The following POLR3E variants were observed in gnomAD, a reference collection of about 807,000 sequenced individuals.
POLR3E encodes DNA-directed RNA polymerase III subunit RPC5.
A neutral mutation model predicts 96.6 loss-of-function variants in POLR3E; 41 were observed. The ratio of observed to expected loss-of-function variants is 0.42; its 90% confidence interval spans 0.33 to 0.55. POLR3E has a LOEUF of 0.55. Ranked by LOEUF, POLR3E falls within the 20% of genes least tolerant of loss-of-function variation. The pLI is 0.06. For synonymous variants in POLR3E, 396 were observed against 383.6 expected (o/e 1.03, Z -0.38); for missense variants, 849 against 952.1 (o/e 0.89, Z 1.43).
Position 22,313,860 on chromosome 16 carries a change from A to C in POLR3E, c.472+133A>C. The C allele has an allele frequency of 1.4e-6, 1 of 704,602 alleles. No homozygotes were observed. The highest frequency in any genetic ancestry group is 2.5e-6 in the Non-Finnish European group (1 of 407,498). 43.6% of individuals were successfully genotyped at this position (704,602 alleles called of 1,614,324 possible). ...CCTCTACCTACTAGATGCCAGAAGC[A>C]CCCACCCCACAGTCGTGACAATCAA... On this transcript the variant is annotated intron_variant, in intron 7 of 20. Transcript: ENST00000299853. This position sits in a 1 kb window ranked among gnomAD's most constrained non-coding sequence, Gnocchi z 4.1.
Position 22,313,782 on chromosome 16 carries a change from G to A in POLR3E, c.472+55G>A, listed in dbSNP as rs954524767. 9 of 1,246,238 alleles carry A rather than the reference G, an allele frequency of 7.2e-6. No individual in the cohort carries two copies. The highest frequency in any genetic ancestry group is 1.1e-5 in the Non-Finnish European group (9 of 855,180). The allele number at this position is 1,246,238 out of a possible 1,614,324, so 77.2% of individuals were successfully genotyped here. On this transcript the variant is annotated intron_variant, in intron 7 of 20. Transcript: ENST00000299853. This position sits in a 1 kb window ranked among gnomAD's most constrained non-coding sequence, Gnocchi z 4.1. Reference sequence around the variant, plus strand: ...TGCCTGCCTTCATCCTGGTGGGATGGCTTGGTCCTGGGAAGAGGGATGGGA... The same window carrying A: ...TGCCTGCCTTCATCCTGGTGGGATGACTTGGTCCTGGGAAGAGGGATGGGA...
At chr16:22,314,476 G>A (rs1050017668) in intron 8 of POLR3E, among the ~76,000 whole-genome samples, 2 of 152,156 alleles carry the variant, frequency 1.3e-5, no homozygotes, top group African/African-American at 4.8e-5. Flanking sequence ...TATGGGGCAC[G>A]GATGAATAGT....
intron 3 of POLR3E, among the ~76,000 whole-genome samples, chr16:22,306,510 C>A (rs1392309531): frequency 2.0e-5 from 3 of 152,228 alleles, no homozygotes; most frequent in Non-Finnish European, 4.4e-5. Flanking sequence ...GCCTCGGCCT[C>A]CCATAGTGCT....
chr16:22,325,859 A>G lies in POLR3E; in HGVS notation c.1447A>G (p.Lys483Glu), dbSNP rs369986679. The change falls in exon 18 of 21, where the codon AAG becomes GAG. Residue 483 changes from lysine to glutamate, a missense_variant. By Grantham distance (56) the Lys-to-Glu change is moderately conservative. Transcript: ENST00000299853. ...GCTGGAGCGGGAGCTGCAGCGGCGG[A>G]AGGAGCAGCTGCGGGTGCCTGCGGT... The part of the protein sequence containing the change: ...ALLERELQRR[K>E]EQLRVPAVPP... 1.5e-5 allele frequency: 24 copies of G among 1,611,966 alleles called. No individual in the cohort carries two copies. Among genetic ancestry groups the G allele is most frequent in the Non-Finnish European group, 2.0e-5 (24 of 1,179,462 alleles).
intron 1 of POLR3E, chr16:22,299,033 C>G: frequency 2.2e-6 from 1 of 455,972 alleles, no homozygotes; most frequent in Non-Finnish European, 4.4e-6. Context: ...AGCAAATAGA[C>G]CAGGTAGTTC....
chr16:22,300,552 A>C (rs982769394), intron 1 of POLR3E, among the ~76,000 whole-genome samples: 2 of 152,218 alleles, frequency 1.3e-5, no homozygotes, highest in Non-Finnish European at 2.9e-5. Context: ...TCAGTTGTCC[A>C]CTGCCCAGCT....
chr16:22,333,452 CAA>C (rs1187205264), intron 20 of POLR3E, among the ~76,000 whole-genome samples, 190 bp from the exon 21 acceptor site: 6 of 102,864 alleles, frequency 5.8e-5, no homozygotes, highest in Admixed American at 1.0e-4. Flanking sequence ...AACTCTGTTT[CAA>C]AAAAAAAAAA....
chr16:22,308,578 C>T (rs994502387), intron 4 of POLR3E: 7 of 438,818 alleles, frequency 1.6e-5, no homozygotes, highest in Non-Finnish European at 2.9e-5. Context: ...CATGGAAGTG[C>T]CATCCCAGTA....
intron 19 of POLR3E, 152 bp downstream of exon 19, chr16:22,328,739 G>A (rs940365691): frequency 1.1e-5 from 7 of 661,318 alleles, no homozygotes; most frequent in East Asian, 5.5e-5. Context: ...AACTCTGTAC[G>A]CTAACAAAAT....
In POLR3E at chr16:22,322,121, C is replaced by T. The variant is rs1009591472; in HGVS notation, c.987-729C>T. On this transcript the variant is annotated intron_variant, in intron 13 of 20. Transcript: ENST00000299853. The surrounding 1 kb of genome is among the most constrained non-coding windows in gnomAD (Gnocchi z 5.2). ...TGAGCCACATCGGCAGAGTCCGTGT[C>T]CCCACAGAGCGTGGCCTTGCAGGAT... Among the ~76,000 whole-genome samples the T allele has an allele frequency of 2.0e-5, 3 of 152,212 alleles. No individual in the cohort carries two copies. The East Asian group carries it at 5.8e-4, about 29-fold the overall frequency.
chr16:22,310,622 TAAA>T (rs60232148), intron 6 of POLR3E, among the ~76,000 whole-genome samples: 1 of 137,636 alleles, frequency 7.3e-6, no homozygotes, highest in African/African-American at 2.7e-5. Context: ...TTAAAAAGTT[TAAA>T]AAAAAAAAAA....
chr16:22,324,693 G>A (rs1440369077), intron 16 of POLR3E, 33 bp downstream of exon 16: 1 of 1,610,916 alleles, frequency 6.2e-7, no homozygotes, highest in African/African-American at 1.3e-5. Flanking sequence ...GGGCAGCCCG[G>A]TGATCCCAGC....
intron 18 of POLR3E, 62 bp downstream of exon 18, chr16:22,326,340 G>A (rs1163311157): frequency 7.7e-7 from 1 of 1,290,922 alleles, no homozygotes; most frequent in East Asian, 2.6e-5. Flanking sequence ...CCAGCTGTTG[G>A]GAGGCCACGT....
chr16:22,298,558 G>A (rs1411801667), intron 1 of POLR3E, among the ~76,000 whole-genome samples: 1 of 152,140 alleles, frequency 6.6e-6, no homozygotes, highest in Admixed American at 6.5e-5. Flanking sequence ...CAGCTGTGGT[G>A]GGATTTGAAC....
chr16:22,298,584 C>T (rs550716493), intron 1 of POLR3E, among the ~76,000 whole-genome samples: 91 of 152,264 alleles, frequency 6.0e-4, no homozygotes, highest in Middle Eastern at 3.4e-3. Context: ...CAGTTTTGTT[C>T]TCGGGTCCAA....
chr16:22,309,303 G>C, intron 5 of POLR3E, 125 bp from the exon 6 acceptor site: 1 of 808,092 alleles, frequency 1.2e-6, no homozygotes, highest in Admixed American at 1.7e-5. Context: ...CGCGTAGGCT[G>C]CCCTGCGGCC....
Position 22,308,156 on chromosome 16 carries a change from G to A in POLR3E, c.96G>A (p.Val32=), listed in dbSNP as rs1034841127. 7 of 1,613,112 alleles carry A rather than the reference G, an allele frequency of 4.3e-6. No individual in the cohort carries two copies. In the African/African-American group the frequency reaches 8.0e-5, roughly 18 times the overall value. The change falls in exon 4 of 21, where the codon GTG becomes GTA. Residue 32 remains valine (V), a synonymous_variant. Transcript: ENST00000299853. ...AEKLYLFQYP[V]RPASMTYDDI... is the part of the protein sequence containing the mutation. ...TCCCTTCCCCTCCCCAGTACCCTGTGCGTCCAGCCTCGATGACCTACGATG... is the reference window on the plus strand; with the variant it reads ...TCCCTTCCCCTCCCCAGTACCCTGTACGTCCAGCCTCGATGACCTACGATG...
intron 9 of POLR3E, 94 bp from the exon 10 acceptor site, chr16:22,316,507 G>A (rs2048358033): frequency 1.1e-6 from 1 of 891,474 alleles, no homozygotes; most frequent in African/African-American, 1.6e-5. Flanking sequence ...TCCTGTGGCT[G>A]GCCATGGAGT....
chr16:22,305,196 A>T lies in POLR3E; in HGVS notation c.77A>T (p.Tyr26Phe). 2 of 1,611,820 alleles carry T rather than the reference A, an allele frequency of 1.2e-6. No individual in the cohort carries two copies. Among genetic ancestry groups the T allele is most frequent in the East Asian group, 2.2e-5 (1 of 44,850 alleles). The change falls in exon 3 of 21, where the codon TAT becomes TTT. Residue 26 changes from tyrosine (Y) to phenylalanine (F), a missense_variant. Tyr to Phe is a conservative substitution (Grantham distance 22). Transcript: ENST00000299853. ...YLAKSLAEKL[Y>F]LFQYPVRPAS... The stretch of plus-strand genomic sequence containing the variant: ...GCCAAGAGTCTGGCGGAAAAGCTGT[A>T]TCTATTTCAGGTAATTATGGGACTT...
Sources: allele counts gnomAD v4.1 joint callset (sites outside exome capture counted in the v4.1 genomes callset), GRCh38; gene constraint gnomAD v4.1.1; non-coding constraint Gnocchi (gnomAD v3.1); transcripts MANE v1.5; gene names NCBI Gene and HGNC (gene_info 2026-07-23, HGNC 2026-07-21).